The following EYS variants were observed in gnomAD, a reference collection of about 807,000 sequenced individuals.
EYS encodes the protein protein eyes shut homolog.
In EYS, 250 loss-of-function variants were observed where a neutral mutation model predicts 282.1. The observed-to-expected ratio is 0.89, with a 90% confidence interval of 0.80 to 0.98. The LOEUF (loss-of-function observed/expected upper bound fraction) is 0.98. Ranked by LOEUF, EYS falls within the 50% of genes least tolerant of loss-of-function variation. The pLI is 0.00. For synonymous variants in EYS, 1,355 were observed against 1,282.9 expected, an observed-to-expected ratio of 1.06 and a Z score of -1.20; for missense variants, 4,016 against 3,709.0, an observed-to-expected ratio of 1.08 and a Z score of -2.15.
intron 13 of EYS, among the ~76,000 whole-genome samples, chr6:65,050,840 A>G (rs879487627): frequency 2.0e-5 from 3 of 151,722 alleles, no homozygotes; most frequent in East Asian, 3.9e-4. Flanking sequence ...ACAAGTTCCC[A>G]TAACAGAGTG....
chr6:65,561,735 T>A (rs1475201511), intron 2 of EYS, among the ~76,000 whole-genome samples: 2 of 152,000 alleles, frequency 1.3e-5, no homozygotes, highest in East Asian at 1.9e-4. Flanking sequence ...TTCAAAATAC[T>A]TTTGGGGGTT....
At chr6:64,777,603 A>C (rs1292999975) in intron 22 of EYS, among the ~76,000 whole-genome samples, 1 of 152,132 alleles carries the variant, frequency 6.6e-6, no homozygotes, top group African/African-American at 2.4e-5. Context: ...ATCACAGCAA[A>C]GTTGTTACTT....
rs545135588 is a variant in EYS, at chr6:65,562,010, T to C, written c.-332-66017A>G. Among the ~76,000 whole-genome samples, 95 of 151,444 alleles carry C rather than the reference T, an allele frequency of 6.3e-4. 1 individual carries two copies. The highest frequency in any genetic ancestry group is 1.8e-3 in the African/African-American group (75 of 41,476). Reference sequence around the variant, plus strand: ...CTTTTTCATTGTAAAATTTTTTGTATATTATATAAACATGCTATATATGTA... The same window carrying C: ...CTTTTTCATTGTAAAATTTTTTGTACATTATATAAACATGCTATATATGTA... On this transcript the variant is annotated intron_variant, in intron 2 of 42. Coordinates refer to ENST00000503581, the MANE Select transcript of EYS (RefSeq NM_001142800.2).
intron 28 of EYS, among the ~76,000 whole-genome samples, chr6:64,390,755 C>T (rs971839061): frequency 1.7e-4 from 26 of 149,484 alleles, no homozygotes; most frequent in African/African-American, 5.5e-4. Flanking sequence ...TCACCAGCAA[C>T]GGAACAAAGC....
At chr6:63,902,834 TGGGCGG>T (rs760268569) in intron 35 of EYS, among the ~76,000 whole-genome samples, 1,557 of 152,260 alleles carry the variant, frequency 0.01, 29 homozygotes, top group African/African-American at 0.035. Flanking sequence ...AAGAGGGGCA[TGGGCGG>T]TAACAGTATA....
At chr6:64,794,293 T>C (rs1039863228) in intron 22 of EYS, among the ~76,000 whole-genome samples, 2 of 152,196 alleles carry the variant, frequency 1.3e-5, no homozygotes, top group African/African-American at 4.8e-5. Context: ...AATTTAAATG[T>C]CTGATATGGT....
intron 24 of EYS, among the ~76,000 whole-genome samples, chr6:64,616,170 A>T (rs545090999): frequency 6.6e-6 from 1 of 152,268 alleles, no homozygotes; most frequent in South Asian, 2.1e-4. Context: ...CTGCACTGGC[A>T]GAAGACATAG....
intron 14 of EYS, among the ~76,000 whole-genome samples, chr6:64,950,089 A>T (rs936285938): frequency 6.6e-6 from 1 of 151,986 alleles, no homozygotes; most frequent in Non-Finnish European, 1.5e-5. Context: ...CAGACTAGGA[A>T]AAACAAAGAA....
chr6:65,437,289 G>T (rs1049199511), intron 5 of EYS, among the ~76,000 whole-genome samples: 6 of 150,854 alleles, frequency 4.0e-5, no homozygotes, highest in African/African-American at 4.8e-5. Context: ...ATTAAAGAGA[G>T]AAAAACATAT....
chr6:65,224,355 T>C lies in EYS; in HGVS notation c.2023+71508A>G, dbSNP rs1051499384. On this transcript the variant is annotated intron_variant, in intron 12 of 42. Transcript: ENST00000503581. ...AAAGTAAATTCTAAATAAAAAAATATGTTGAGACAAATGAAAAAGATATAC... is the reference window on the plus strand; with the variant it reads ...AAAGTAAATTCTAAATAAAAAAATACGTTGAGACAAATGAAAAAGATATAC... 2.2e-4 allele frequency among the ~76,000 whole-genome samples: 34 copies of C among 152,250 alleles called. 2 individuals are homozygous for C. Among genetic ancestry groups the C allele is most frequent in the Admixed American group, 2.2e-3 (33 of 15,282 alleles).
In EYS at chr6:63,721,663, T is replaced by C. The variant is rs1554163993; in HGVS notation, c.8368A>G (p.Arg2790Gly). The C allele has an allele frequency of 7.7e-6, 12 of 1,551,530 alleles. No individual in the cohort carries two copies. The highest frequency in any genetic ancestry group is 2.0e-5 in the Admixed American group (1 of 50,988). ...GSTWHIIKAG[R>G]VGAEGYLDLD... ...TCCAGGTAGCCTTCTGCACCAACTC[T>C]TCCTGCTTTTATTATATGCCAAGTA... The change falls in exon 43 of 43, where the codon AGA (arginine) becomes GGA (glycine). Residue 2790 changes from arginine (R) to glycine (G), a missense_variant. Transcript: ENST00000503581.
At chr6:64,299,327 C>A (rs1769147379) in intron 30 of EYS, among the ~76,000 whole-genome samples, 1 of 152,176 alleles carries the variant, frequency 6.6e-6, no homozygotes, top group African/African-American at 2.4e-5. Context: ...GCCTGCAGAG[C>A]CAGCTAGTCA....
chr6:64,802,590 C>T (rs1215506723), intron 22 of EYS, among the ~76,000 whole-genome samples: 1 of 152,114 alleles, frequency 6.6e-6, no homozygotes, highest in Non-Finnish European at 1.5e-5. Context: ...CTTCTTCATT[C>T]ATACTTCATA....
intron 35 of EYS, among the ~76,000 whole-genome samples, chr6:63,891,709 T>C (rs1773413127): frequency 6.6e-6 from 1 of 152,130 alleles, no homozygotes; most frequent in Non-Finnish European, 1.5e-5. Context: ...ATTCCATTTC[T>C]ACATACTATT....
At chr6:63,924,931 A>G (rs1297357644) in intron 35 of EYS, among the ~76,000 whole-genome samples, 1 of 152,194 alleles carries the variant, frequency 6.6e-6, no homozygotes, top group African/African-American at 2.4e-5. Flanking sequence ...TGCGTGGGGA[A>G]CTAAGAAGTG....
intron 31 of EYS, among the ~76,000 whole-genome samples, chr6:64,171,161 T>C (rs1028210568): frequency 1.3e-5 from 2 of 152,218 alleles, no homozygotes; most frequent in African/African-American, 4.8e-5. Flanking sequence ...CATTTTATGG[T>C]ACTGTTAGTT....
intron 12 of EYS, among the ~76,000 whole-genome samples, chr6:65,272,182 A>C (rs1767923916): frequency 6.6e-6 from 1 of 152,198 alleles, no homozygotes; most frequent in Non-Finnish European, 1.5e-5. Context: ...TCAGTCACTG[A>C]GATCTTTGCT....
chr6:65,159,492 A>C (rs1764802113), intron 12 of EYS, among the ~76,000 whole-genome samples: 1 of 150,914 alleles, frequency 6.6e-6, no homozygotes. Context: ...TAGACTGTAC[A>C]AAGTCAGGAG....
At chr6:64,958,244 C>T (rs564211462) in intron 14 of EYS, among the ~76,000 whole-genome samples, 1 of 152,046 alleles carries the variant, frequency 6.6e-6, no homozygotes, top group African/African-American at 2.4e-5. Flanking sequence ...TGGCTGGGTG[C>T]GGTGGCTCAG....
Sources: allele counts gnomAD v4.1 joint callset (sites outside exome capture counted in the v4.1 genomes callset), GRCh38; gene constraint gnomAD v4.1.1; transcripts MANE v1.5; gene names NCBI Gene and HGNC (gene_info 2026-07-23, HGNC 2026-07-21).